NOL4L: variants seen among roughly 807,000 people sequenced by gnomAD.
The protein encoded by NOL4L is nucleolar protein 4-like.
In NOL4L, 7 loss-of-function variants were observed where a neutral mutation model predicts 64.5. The observed-to-expected ratio is 0.11, with a 90% confidence interval of 0.06 to 0.20. The LOEUF is 0.20. NOL4L is among the 10% of genes least tolerant of loss of function. The pLI is 1.00. For synonymous variants in NOL4L, 413 were observed against 401.0 expected (o/e 1.03, Z -0.36); for missense variants, 680 against 967.1 (o/e 0.70, Z 3.94).
intron 1 of NOL4L, among the ~76,000 whole-genome samples, chr20:32,539,755 A>C (rs1158324832): frequency 2.0e-5 from 3 of 152,102 alleles, no homozygotes; most frequent in African/African-American, 7.2e-5. Flanking sequence ...AATGGGAGTA[A>C]ATGAGAGGTG....
intron 4 of NOL4L, among the ~76,000 whole-genome samples, chr20:32,481,964 C>CGGG (rs61641396): frequency 0.014 from 403 of 27,900 alleles, 13 homozygotes; most frequent in East Asian, 0.023. Context: ...TGGGGCGGGG[C>CGGG]GGGGGGGGGG....
chr20:32,557,074 T>C (rs1978701316), intron 1 of NOL4L, among the ~76,000 whole-genome samples: 2 of 152,230 alleles, frequency 1.3e-5, no homozygotes, highest in South Asian at 4.1e-4. Flanking sequence ...CAGGGGGTTC[T>C]ACCTGGTGGG....
intron 1 of NOL4L, among the ~76,000 whole-genome samples, chr20:32,569,180 G>A (rs566473655): frequency 2.6e-5 from 4 of 152,222 alleles, no homozygotes; most frequent in African/African-American, 7.2e-5. Context: ...AGACAATCAG[G>A]GAGGGCCTCC....
At chr20:32,456,510 G>A in intron 5 of NOL4L, 115 bp from the exon 6 acceptor site, 1 of 1,085,536 alleles carries the variant, frequency 9.2e-7, no homozygotes, top group Non-Finnish European at 1.2e-6. Context: ...TGGGGTGAGT[G>A]CTGCTACCCC....
chr20:32,554,091 C>T lies in NOL4L; in HGVS notation c.322-26178G>A, dbSNP rs144682152. Among the ~76,000 whole-genome samples, 720 of 152,158 alleles carry T rather than the reference C, an allele frequency of 4.7e-3. 8 individuals are homozygous for T. Among genetic ancestry groups the T allele is most frequent in the African/African-American group, 0.014 (573 of 41,498 alleles). ...ATCCCAGCACTTTGGGAGGCCAAGG[C>T]GGGCGGATCACAAGGTCAGGAGATC... On this transcript the variant is annotated intron_variant, in intron 1 of 10. Coordinates refer to ENST00000621426, the MANE Select transcript of NOL4L (RefSeq NM_001256798.2).
At chr20:32,452,567 G>T in intron 9 of NOL4L, 130 bp from the exon 10 acceptor site, 2 of 919,842 alleles carry the variant, frequency 2.2e-6, no homozygotes, top group East Asian at 2.7e-5. Flanking sequence ...TTTGACCTGT[G>T]GGATTCTGTC....
chr20:32,584,447 C>G (rs1980759326), intron 1 of NOL4L, 123 bp downstream of exon 1: 2 of 810,730 alleles, frequency 2.5e-6, no homozygotes, highest in East Asian at 3.6e-5. Context: ...TCCGGCGGGC[C>G]CGACACACGG....
At chr20:32,448,166 A>T (rs538187969) in intron 10 of NOL4L, among the ~76,000 whole-genome samples, 1 of 152,172 alleles carries the variant, frequency 6.6e-6, no homozygotes, top group Non-Finnish European at 1.5e-5. Context: ...CTGTGGGACA[A>T]GTGCTAAAAG....
chr20:32,541,650 G>A (rs2018657753), intron 1 of NOL4L, among the ~76,000 whole-genome samples: 1 of 152,204 alleles, frequency 6.6e-6, no homozygotes, highest in Non-Finnish European at 1.5e-5. Context: ...TTCTCTCTGG[G>A]CCCCCACAAA....
At chr20:32,501,684 A>C (rs1202260658) in intron 4 of NOL4L, among the ~76,000 whole-genome samples, 1 of 152,228 alleles carries the variant, frequency 6.6e-6, no homozygotes, top group African/African-American at 2.4e-5. Context: ...AGTCTATCAA[A>C]AAAAAAATGA....
At chr20:32,452,200 G>C in intron 10 of NOL4L, 36 bp downstream of exon 10, 3 of 1,489,828 alleles carry the variant, frequency 2.0e-6, no homozygotes, top group Non-Finnish European at 2.7e-6. Flanking sequence ...CTGGGTGCTG[G>C]TCGGGAAGCC....
chr20:32,483,409 G>A (rs988864730), intron 4 of NOL4L: 43 of 986,772 alleles, frequency 4.4e-5, no homozygotes, highest in Non-Finnish European at 5.1e-5. Flanking sequence ...CCGCGAGTGA[G>A]CGGGGCGGGC....
intron 1 of NOL4L, among the ~76,000 whole-genome samples, chr20:32,540,324 A>G (rs571259181): frequency 6.6e-6 from 1 of 152,360 alleles, no homozygotes; most frequent in East Asian, 1.9e-4. Flanking sequence ...CATTTGGGCA[A>G]GGACTCAGGG....
chr20:32,584,879 C>A lies in NOL4L; in HGVS notation c.12G>T (p.Pro4=), dbSNP rs1300839976. 3.3e-5 allele frequency: 43 copies of A among 1,320,478 alleles called. 1 individual carries two copies. The East Asian group carries it at 1.3e-3, about 41-fold the overall frequency. 81.8% of individuals were successfully genotyped at this position (1,320,478 alleles called of 1,614,324 possible). Residue 4 remains proline, a synonymous_variant, in exon 1 of 11, where the codon CCG becomes CCT. Transcript: ENST00000621426. ...CCCAGCCCCCGCGCAGCAGCAGCGT[C>A]GGCTTCGGCATCCTCCCGCCGCGCC... MPK[P]TLLLRGGWER...
chr20:32,450,994 C>T (rs1418912973), intron 10 of NOL4L, among the ~76,000 whole-genome samples: 2 of 151,446 alleles, frequency 1.3e-5, no homozygotes, highest in African/African-American at 2.4e-5. Flanking sequence ...TGGGGGGTGG[C>T]GGGGGTCAAG....
At chr20:32,576,656 C>T (rs1238418462) in intron 1 of NOL4L, among the ~76,000 whole-genome samples, 9 of 152,156 alleles carry the variant, frequency 5.9e-5, no homozygotes, top group East Asian at 1.9e-4. Context: ...TCCACAACCA[C>T]GTGGGTGAGA....
At chr20:32,554,121 C>T (rs1038086224) in intron 1 of NOL4L, among the ~76,000 whole-genome samples, 52 of 152,028 alleles carry the variant, frequency 3.4e-4, no homozygotes, top group Admixed American at 3.4e-3. Flanking sequence ...GAGATCGAGA[C>T]CATCCTGGCT....
At chr20:32,483,004 CGGCGCGCACCCCG>C (rs924666724) in intron 4 of NOL4L, among the ~76,000 whole-genome samples, 16 of 151,206 alleles carry the variant, frequency 1.1e-4, no homozygotes, top group Admixed American at 1.3e-4. Context: ...CCAGGACCCG[CGGCGCGCACCCCG>C]GGAGTGGGGT....
At chr20:32,529,964 C>T (rs1247928754) in intron 1 of NOL4L, among the ~76,000 whole-genome samples, 3 of 152,136 alleles carry the variant, frequency 2.0e-5, no homozygotes, top group Non-Finnish European at 4.4e-5. Flanking sequence ...TCAATTTTAC[C>T]TCTTTTGGGG....
Sources: allele counts gnomAD v4.1 joint callset (sites outside exome capture counted in the v4.1 genomes callset), GRCh38; gene constraint gnomAD v4.1.1; transcripts MANE v1.5; gene names NCBI Gene and HGNC (gene_info 2026-07-23, HGNC 2026-07-21).